Variants in MB21D2 observed in about 807,000 individuals in gnomAD.
MB21D2 encodes nucleotidyltransferase MB21D2.
In MB21D2, 9 loss-of-function variants were observed where a neutral mutation model predicts 33.3. That is an observed-to-expected ratio of 0.27 (90% CI 0.16 to 0.47). The LOEUF (loss-of-function observed/expected upper bound fraction) is 0.47. Among genes scored for constraint, MB21D2 ranks in the 20% least tolerant of loss-of-function variants. The pLI, the probability that MB21D2 is intolerant of heterozygous loss-of-function variation, is 0.99. For missense variants in MB21D2, 540 were observed against 624.6 expected, an observed-to-expected ratio of 0.86 and a Z score of 1.44; for synonymous variants, 241 against 236.3, an observed-to-expected ratio of 1.02 and a Z score of -0.18.
chr3:192,847,705 G>A (rs1358554758), intron 1 of MB21D2, among the ~76,000 whole-genome samples: 5 of 152,024 alleles, frequency 3.3e-5, no homozygotes, highest in Non-Finnish European at 7.4e-5. Context: ...GTAACTCCTC[G>A]GCCTACCTGA....
intron 1 of MB21D2, among the ~76,000 whole-genome samples, chr3:192,887,419 C>T (rs1310059662): frequency 1.3e-5 from 2 of 152,038 alleles, no homozygotes; most frequent in Non-Finnish European, 2.9e-5. Context: ...ATTGATTGCA[C>T]AAAAATGTGA....
In MB21D2 at chr3:192,846,225, T is replaced by C. The variant is rs114781251; in HGVS notation, c.212-46575A>G. 7.1e-3 allele frequency among the ~76,000 whole-genome samples: 1,079 copies of C among 152,296 alleles called. 10 individuals carry two copies. The highest frequency in any genetic ancestry group is 0.024 in the African/African-American group (1,014 of 41,556). On this transcript the variant is annotated intron_variant, in intron 1 of 1. Transcript: ENST00000392452. ...GTTAAATGTTATAAAACTTACATAG[T>C]GTATCTTATTAATCCATATAAGCCT...
intron 1 of MB21D2, among the ~76,000 whole-genome samples, chr3:192,861,755 A>C (rs1476470330): frequency 6.6e-6 from 1 of 152,228 alleles, no homozygotes; most frequent in Non-Finnish European, 1.5e-5. Context: ...CGGTGAGCCA[A>C]GATCACGCCA....
chr3:192,912,031 G>GT (rs986163827), intron 1 of MB21D2, among the ~76,000 whole-genome samples: 78 of 152,290 alleles, frequency 5.1e-4, no homozygotes, highest in African/African-American at 1.8e-3. Context: ...CACTGGAAAG[G>GT]TAGGGCTTCA....
At chr3:192,813,589 C>T (rs1294143374) in intron 1 of MB21D2, among the ~76,000 whole-genome samples, 1 of 152,052 alleles carries the variant, frequency 6.6e-6, no homozygotes, top group Non-Finnish European at 1.5e-5. Flanking sequence ...CCCATTTGTT[C>T]CCTATAATTA....
At chr3:192,815,543 A>C (rs1354624) in intron 1 of MB21D2, among the ~76,000 whole-genome samples, 31,424 of 152,178 alleles carry the variant, frequency 0.21, 5,370 homozygotes, top group African/African-American at 0.47. Context: ...GAAATCAGGA[A>C]AGGCAAAGCT....
chr3:192,845,530 A>G (rs1008058340), intron 1 of MB21D2, among the ~76,000 whole-genome samples: 3 of 152,238 alleles, frequency 2.0e-5, no homozygotes, highest in Non-Finnish European at 4.4e-5. Context: ...AAGAGTCACA[A>G]AGGTGAGCAA....
chr3:192,833,376 C>A (rs1032006436), intron 1 of MB21D2, among the ~76,000 whole-genome samples: 1 of 152,154 alleles, frequency 6.6e-6, no homozygotes, highest in Non-Finnish European at 1.5e-5. Context: ...CAATCTGACG[C>A]AACTATGGCA....
chr3:192,878,081 CTTTTT>C (rs11294126), intron 1 of MB21D2, among the ~76,000 whole-genome samples: 10 of 119,532 alleles, frequency 8.4e-5, no homozygotes, highest in South Asian at 5.3e-4. Flanking sequence ...AATTCCTCCT[CTTTTT>C]TTTTTTTTTT....
intron 1 of MB21D2, among the ~76,000 whole-genome samples, chr3:192,894,789 AT>A (rs1375167753): frequency 6.6e-6 from 1 of 152,112 alleles, no homozygotes; most frequent in African/African-American, 2.4e-5. Context: ...TAGCAGGTGC[AT>A]GCATTCTAAC....
intron 1 of MB21D2, among the ~76,000 whole-genome samples, chr3:192,886,483 C>A (rs755106173): frequency 5.3e-5 from 8 of 152,118 alleles, no homozygotes; most frequent in Non-Finnish European, 1.2e-4. Context: ...AATCTTGACA[C>A]TTTGCTACAT....
In MB21D2 at chr3:192,880,294, C is replaced by T. The variant is rs562257708; in HGVS notation, c.211+37336G>A. 2.6e-5 allele frequency among the ~76,000 whole-genome samples: 4 copies of T among 151,974 alleles called. No homozygotes were observed. In the South Asian group the frequency reaches 8.3e-4, roughly 32 times the overall value. On this transcript the variant is annotated intron_variant, in intron 1 of 1. Coordinates refer to ENST00000392452, the MANE Select transcript of MB21D2 (RefSeq NM_178496.4). ...CCCAGGAGACGGAGGTTGCAGTGAG[C>T]CGAGATTGCACCACCGCACTCCAGC...
At chr3:192,857,345 A>G (rs1264668761) in intron 1 of MB21D2, among the ~76,000 whole-genome samples, 1 of 152,224 alleles carries the variant, frequency 6.6e-6, no homozygotes, top group East Asian at 1.9e-4. Flanking sequence ...GAACCTGCCA[A>G]TTCCATGTGG....
At chr3:192,839,605 C>A (rs1427270345) in intron 1 of MB21D2, among the ~76,000 whole-genome samples, 1 of 152,110 alleles carries the variant, frequency 6.6e-6, no homozygotes, top group Non-Finnish European at 1.5e-5. Flanking sequence ...TCTACATATA[C>A]ATATATGTGT....
chr3:192,912,758 A>G (rs945641810), intron 1 of MB21D2, among the ~76,000 whole-genome samples: 2 of 152,178 alleles, frequency 1.3e-5, no homozygotes, highest in African/African-American at 4.8e-5. Context: ...TCTCACCCAA[A>G]AGTGATGGAA....
chr3:192,914,976 T>C (rs1714430074), intron 1 of MB21D2, among the ~76,000 whole-genome samples: 1 of 152,182 alleles, frequency 6.6e-6, no homozygotes, highest in African/African-American at 2.4e-5. Flanking sequence ...CTAACAATCT[T>C]ACACAAAAAG....
chr3:192,822,870 C>G (rs1453733678), intron 1 of MB21D2, among the ~76,000 whole-genome samples: 1 of 152,134 alleles, frequency 6.6e-6, no homozygotes, highest in African/African-American at 2.4e-5. Context: ...GATTCTTAAA[C>G]GAGCACTCCG....
At chr3:192,894,377 C>T (rs952213859) in intron 1 of MB21D2, among the ~76,000 whole-genome samples, 2 of 152,072 alleles carry the variant, frequency 1.3e-5, no homozygotes, top group Non-Finnish European at 2.9e-5. Flanking sequence ...GTGATCCACT[C>T]GCCTCGGCCT....
chr3:192,800,612 C>G (rs1301054313), intron 1 of MB21D2, among the ~76,000 whole-genome samples: 1 of 152,056 alleles, frequency 6.6e-6, no homozygotes, highest in Non-Finnish European at 1.5e-5. Context: ...AACCTCTGAG[C>G]CATTAGAAAG....
Sources: allele counts gnomAD v4.1 joint callset (sites outside exome capture counted in the v4.1 genomes callset), GRCh38; gene constraint gnomAD v4.1.1; transcripts MANE v1.5; gene names NCBI Gene and HGNC (gene_info 2026-07-23, HGNC 2026-07-21).